Variants in EPHA3 observed in about 807,000 individuals in gnomAD.
EPHA3 encodes ephrin type-A receptor 3.
A neutral mutation model predicts 107.1 loss-of-function variants in EPHA3; 42 were observed. The observed-to-expected ratio is 0.39, with a 90% CI of 0.31 to 0.51. EPHA3 has a LOEUF of 0.51. Ranked by LOEUF, EPHA3 falls within the 20% of genes least tolerant of loss-of-function variation. The probability of loss-of-function intolerance (pLI) is 0.78; values close to 1 mark genes in which losing one functional copy is unlikely to be tolerated. For synonymous variants in EPHA3, 461 were observed against 424.8 expected (o/e 1.09, Z -1.05); for missense variants, 1,183 against 1,211.2 (o/e 0.98, Z 0.35).
At chr3:89,108,731 C>A (rs546053854) in intron 1 of EPHA3, among the ~76,000 whole-genome samples, 2 of 152,262 alleles carry the variant, frequency 1.3e-5, no homozygotes, top group African/African-American at 4.8e-5. Context: ...GTACTTAATA[C>A]ATACATTTTC....
intron 3 of EPHA3, among the ~76,000 whole-genome samples, chr3:89,319,470 C>T (rs535459603): frequency 5.9e-5 from 9 of 151,936 alleles, no homozygotes; most frequent in South Asian, 2.1e-4. Context: ...GCCAAAGCCC[C>T]GAAGAGAGCT....
chr3:89,419,461 A>G, intron 11 of EPHA3, 71 bp downstream of exon 11: 1 of 1,381,084 alleles, frequency 7.2e-7, no homozygotes, highest in Non-Finnish European at 9.6e-7. Context: ...AACCCCAACC[A>G]TTTAAGAATT....
chr3:89,126,865 T>C (rs1179349092), intron 1 of EPHA3, among the ~76,000 whole-genome samples: 1 of 151,808 alleles, frequency 6.6e-6, no homozygotes, highest in Non-Finnish European at 1.5e-5. Flanking sequence ...ATTTTTGAAG[T>C]TATTTTGATA....
chr3:89,142,725 G>A (rs1174566520), intron 2 of EPHA3, among the ~76,000 whole-genome samples: 1 of 151,414 alleles, frequency 6.6e-6, no homozygotes, highest in Middle Eastern at 3.2e-3. Context: ...TTTTTAAAAT[G>A]TAAAAGCCAT....
chr3:89,400,209 T>C (rs1160659487), intron 7 of EPHA3: 7 of 305,970 alleles, frequency 2.3e-5, no homozygotes, highest in African/African-American at 3.1e-5. Flanking sequence ...TTTTTTTTTT[T>C]TTGAGACGGA....
intron 2 of EPHA3, among the ~76,000 whole-genome samples, chr3:89,208,749 TCAAA>T (rs949207754): frequency 2.6e-4 from 39 of 152,282 alleles, no homozygotes; most frequent in African/African-American, 9.1e-4. Context: ...TTATCTCGAT[TCAAA>T]CACTTAGAAA....
At chr3:89,435,621 G>A (rs1209805212) in intron 13 of EPHA3, among the ~76,000 whole-genome samples, 5 of 144,698 alleles carry the variant, frequency 3.5e-5, no homozygotes, top group Non-Finnish European at 7.5e-5. Flanking sequence ...AATTATATAT[G>A]TTATATATAA....
intron 3 of EPHA3, among the ~76,000 whole-genome samples, chr3:89,297,420 A>G (rs1452062037): frequency 6.6e-6 from 1 of 152,176 alleles, no homozygotes; most frequent in Non-Finnish European, 1.5e-5. Context: ...AGAAGCAGAG[A>G]GATAGGAATA....
chr3:89,207,827 AAT>A lies in EPHA3; in HGVS notation c.154-2030_154-2029del, dbSNP rs200446104. ...AATAACTCTTACTTATAAGAAAAAT[AAT>A]ATTTGTGCATATGCCAAAAGGTGAA... On this transcript the variant is annotated intron_variant, in intron 2 of 16. Transcript: ENST00000336596. Among the ~76,000 whole-genome samples, 859 of 152,284 alleles carry A rather than the reference AAT, an allele frequency of 5.6e-3. 7 individuals are homozygous for A. The highest frequency in any genetic ancestry group is 0.019 in the African/African-American group (804 of 41,562).
chr3:89,332,846 T>C (rs1707317808), intron 3 of EPHA3, among the ~76,000 whole-genome samples: 1 of 152,166 alleles, frequency 6.6e-6, no homozygotes, highest in Non-Finnish European at 1.5e-5. Flanking sequence ...CCAACAGCTT[T>C]ATTTTTTTAA....
intron 11 of EPHA3, among the ~76,000 whole-genome samples, chr3:89,421,350 A>T (rs1388954285): frequency 6.6e-6 from 1 of 151,422 alleles, no homozygotes; most frequent in Non-Finnish European, 1.5e-5. Flanking sequence ...GAAGGAAGAA[A>T]GAAAAGAAGG....
In EPHA3 at chr3:89,351,818, G is replaced by A. The variant is rs116838555; in HGVS notation, c.1306+9728G>A. 8.4e-3 allele frequency among the ~76,000 whole-genome samples: 1,262 copies of A among 149,706 alleles called. 29 individuals are homozygous for A. The highest frequency in any genetic ancestry group is 0.024 in the African/African-American group (1,001 of 40,936). On this transcript the variant is annotated intron_variant, in intron 5 of 16. Transcript: ENST00000336596. ...ATCCAAATGGCAAAAACAAATTGATGTTCTGTTTACCTCCAGTTTCTATTT... is the reference window on the plus strand; with the variant it reads ...ATCCAAATGGCAAAAACAAATTGATATTCTGTTTACCTCCAGTTTCTATTT...
chr3:89,332,674 T>TA (rs1444802908), intron 3 of EPHA3, among the ~76,000 whole-genome samples: 3 of 152,162 alleles, frequency 2.0e-5, no homozygotes, highest in Non-Finnish European at 4.4e-5. Flanking sequence ...TGTGACCTTG[T>TA]ACAGGCAAAT....
chr3:89,241,065 G>A lies in EPHA3; in HGVS notation c.814+30545G>A, dbSNP rs536245630. Reference sequence around the variant, plus strand: ...TGAAGAACACATTATATACCTTGTAGCTTCCTAGAGATAGTGTCACCAGCC... The same window carrying A: ...TGAAGAACACATTATATACCTTGTAACTTCCTAGAGATAGTGTCACCAGCC... On this transcript the variant is annotated intron_variant, in intron 3 of 16. Transcript: ENST00000336596. Among the ~76,000 whole-genome samples the A allele has an allele frequency of 1.8e-3, 276 of 149,892 alleles. 1 individual carries two copies. The highest frequency in any genetic ancestry group is 3.2e-3 in the Non-Finnish European group (216 of 67,314).
At chr3:89,374,661 A>G (rs1158008512) in intron 5 of EPHA3, among the ~76,000 whole-genome samples, 1 of 151,530 alleles carries the variant, frequency 6.6e-6, no homozygotes, top group Admixed American at 6.6e-5. Flanking sequence ...GAAAAATCCC[A>G]TTGGTCTGGT....
chr3:89,415,373 A>T (rs1709226127), intron 10 of EPHA3, among the ~76,000 whole-genome samples: 1 of 149,436 alleles, frequency 6.7e-6, no homozygotes, highest in Non-Finnish European at 1.5e-5. Flanking sequence ...TTTAATAATT[A>T]TTCTAAATTG....
At chr3:89,451,330 G>A (rs1206568638) in intron 15 of EPHA3, among the ~76,000 whole-genome samples, 1 of 152,114 alleles carries the variant, frequency 6.6e-6, no homozygotes, top group Admixed American at 6.6e-5. Flanking sequence ...GATGAATTTT[G>A]TCAGGGGCCA....
At chr3:89,329,832 C>G (rs116185928) in intron 3 of EPHA3, among the ~76,000 whole-genome samples, 3 of 151,916 alleles carry the variant, frequency 2.0e-5, no homozygotes, top group Non-Finnish European at 4.4e-5. Flanking sequence ...CCCACCTTCA[C>G]TGGGAGAGGG....
At chr3:89,383,655 T>C (rs1038220925) in intron 5 of EPHA3, among the ~76,000 whole-genome samples, 12 of 140,580 alleles carry the variant, frequency 8.5e-5, no homozygotes, top group African/African-American at 2.6e-4. Flanking sequence ...TTTTTTTTTT[T>C]TTTTTTTTTT....
Sources: allele counts gnomAD v4.1 joint callset (sites outside exome capture counted in the v4.1 genomes callset), GRCh38; gene constraint gnomAD v4.1.1; transcripts MANE v1.5; gene names NCBI Gene and HGNC (gene_info 2026-07-23, HGNC 2026-07-21).